The following PKNOX2 variants were observed in gnomAD, a reference collection of about 807,000 sequenced individuals.
The protein encoded by PKNOX2 is homeobox protein PKNOX2.
In PKNOX2, 14 loss-of-function variants were observed where a neutral mutation model predicts 53.1. That is an observed-to-expected ratio of 0.26 (90% CI 0.17 to 0.41). The LOEUF is 0.41. Ranked by LOEUF, PKNOX2 falls within the 10% of genes least tolerant of loss-of-function variation. The pLI, the probability that PKNOX2 is intolerant of heterozygous loss-of-function variation, is 1.00. For missense variants in PKNOX2, 496 were observed against 602.8 expected, an observed-to-expected ratio of 0.82 and a Z score of 1.85; for synonymous variants, 257 against 242.8, an observed-to-expected ratio of 1.06 and a Z score of -0.54.
At chr11:125,354,936 G>T (rs965543800) in intron 4 of PKNOX2, among the ~76,000 whole-genome samples, 1 of 152,186 alleles carries the variant, frequency 6.6e-6, no homozygotes, top group Admixed American at 6.5e-5. Flanking sequence ...CACACTCTCT[G>T]TTGATTGTGC....
rs1414552972 is a variant in PKNOX2 at position 125,359,164 on chromosome 11, C to T, written c.87+7772C>T. Among the ~76,000 whole-genome samples the T allele has an allele frequency of 2.0e-5, 3 of 152,250 alleles. No individual in the cohort carries two copies. The East Asian group carries it at 5.8e-4, about 29-fold the overall frequency. ...AGGAAGGTGGACACCATCAGGTGCG[C>T]TCAGGCAACCAAGGGTAGGTGTGAG... is the stretch of plus-strand genomic sequence containing the variant. On this transcript the variant is annotated intron_variant, in intron 4 of 12. Transcript: ENST00000298282.
chr11:125,333,547 C>T (rs1381036012), intron 3 of PKNOX2, among the ~76,000 whole-genome samples: 3 of 137,878 alleles, frequency 2.2e-5, no homozygotes, highest in African/African-American at 1.0e-4. Context: ...CACACACACA[C>T]ATACACACAC....
chr11:125,301,591 A>G (rs972029617), intron 2 of PKNOX2, among the ~76,000 whole-genome samples: 2 of 152,128 alleles, frequency 1.3e-5, no homozygotes, highest in Admixed American at 6.5e-5. Flanking sequence ...TGCCAGAGCC[A>G]AGAAACACAC....
chr11:125,293,343 G>A (rs1326135013), intron 2 of PKNOX2, among the ~76,000 whole-genome samples: 1 of 152,132 alleles, frequency 6.6e-6, no homozygotes, highest in Admixed American at 6.5e-5. Flanking sequence ...GACTAATGGG[G>A]CAAGCGGGTG....
rs536725191 is a variant in PKNOX2 at position 125,354,511 on chromosome 11, G to A, written c.87+3119G>A. 5.3e-5 allele frequency among the ~76,000 whole-genome samples: 8 copies of A among 152,284 alleles called. 1 individual carries two copies. In the South Asian group the frequency reaches 1.5e-3, roughly 28 times the overall value. On this transcript the variant is annotated intron_variant, in intron 4 of 12. Transcript: ENST00000298282. ...AAGTCCCCCAAATGAAAAAGGAAGC[G>A]AGACGCAGAGCCCTTCCTCTGAGAC...
chr11:125,426,698 T>C (rs1956444720), intron 10 of PKNOX2, among the ~76,000 whole-genome samples: 1 of 152,034 alleles, frequency 6.6e-6, no homozygotes, highest in South Asian at 2.1e-4. Flanking sequence ...TACACAATCC[T>C]TCAACGTTGG....
At chr11:125,297,993 G>A (rs933849664) in intron 2 of PKNOX2, among the ~76,000 whole-genome samples, 2 of 152,254 alleles carry the variant, frequency 1.3e-5, no homozygotes, top group African/African-American at 2.4e-5. Flanking sequence ...GTCATATAAT[G>A]AACAATGAAT....
chr11:125,273,064 C>T (rs1331289035), intron 2 of PKNOX2, among the ~76,000 whole-genome samples: 7 of 152,310 alleles, frequency 4.6e-5, no homozygotes, highest in East Asian at 3.9e-4. Context: ...CCTAAAAGCC[C>T]GCCCAGTCCA....
intron 3 of PKNOX2, among the ~76,000 whole-genome samples, chr11:125,347,178 G>A (rs1462658929): frequency 6.6e-6 from 1 of 152,100 alleles, no homozygotes; most frequent in Non-Finnish European, 1.5e-5. Context: ...TGGGGCAGGT[G>A]GGTGGGACAG....
chr11:125,294,895 G>A (rs1947550653), intron 2 of PKNOX2, among the ~76,000 whole-genome samples: 2 of 152,194 alleles, frequency 1.3e-5, no homozygotes, highest in Admixed American at 1.3e-4. Flanking sequence ...GAGAGTGAAG[G>A]GTGAGGCATG....
At chr11:125,414,340 C>A (rs1411986795) in intron 10 of PKNOX2, among the ~76,000 whole-genome samples, 2 of 152,230 alleles carry the variant, frequency 1.3e-5, no homozygotes, top group Non-Finnish European at 2.9e-5. Context: ...CCTCTCCAGC[C>A]TGGCAGTGGG....
At chr11:125,426,704 G>A (rs1210232949) in intron 10 of PKNOX2, among the ~76,000 whole-genome samples, 2 of 151,972 alleles carry the variant, frequency 1.3e-5, no homozygotes, top group Non-Finnish European at 2.9e-5. Flanking sequence ...ATCCTTCAAC[G>A]TTGGCCTCTT....
chr11:125,355,232 A>G (rs1951537756), intron 4 of PKNOX2, among the ~76,000 whole-genome samples: 1 of 149,772 alleles, frequency 6.7e-6, no homozygotes, highest in African/African-American at 2.5e-5. Flanking sequence ...GCGCCACTGC[A>G]CTCCAGCCTG....
intron 1 of PKNOX2, among the ~76,000 whole-genome samples, chr11:125,195,703 A>G (rs560065991): frequency 6.6e-6 from 1 of 152,238 alleles, no homozygotes; most frequent in East Asian, 1.9e-4. Context: ...TTTTTACAAC[A>G]CTGAGTTTGA....
chr11:125,213,911 C>A (rs1565470928), intron 1 of PKNOX2, among the ~76,000 whole-genome samples: 2 of 152,082 alleles, frequency 1.3e-5, no homozygotes, highest in Admixed American at 1.3e-4. Context: ...GCCTGTGCCA[C>A]CCCAACCTCA....
At chr11:125,293,947 CATTG>C (rs1947488776) in intron 2 of PKNOX2, among the ~76,000 whole-genome samples, 1 of 152,000 alleles carries the variant, frequency 6.6e-6, no homozygotes, top group African/African-American at 2.4e-5. Context: ...TTTCTCCCAA[CATTG>C]ATTGAAGGAG....
intron 2 of PKNOX2, among the ~76,000 whole-genome samples, chr11:125,262,674 C>G (rs776269134): frequency 2.0e-5 from 3 of 152,094 alleles, no homozygotes; most frequent in Non-Finnish European, 4.4e-5. Flanking sequence ...CTCTCTACCC[C>G]ACAGGCTTTG....
rs561196244 is a variant in PKNOX2 at position 125,413,980 on chromosome 11, T to A, written c.936+2115T>A. On this transcript the variant is annotated intron_variant, in intron 10 of 12. Transcript: ENST00000298282. ...TACTTTCCACTCCCCACTTGCAACT[T>A]ACCCCTGGGAATCGTTAGCCTGAGA... 3.9e-5 allele frequency among the ~76,000 whole-genome samples: 6 copies of A among 152,162 alleles called. No homozygotes were observed. The South Asian group carries it at 1.0e-3, about 26-fold the overall frequency.
intron 2 of PKNOX2, among the ~76,000 whole-genome samples, chr11:125,277,400 C>T (rs955054370): frequency 1.3e-5 from 2 of 152,184 alleles, no homozygotes; most frequent in African/African-American, 4.8e-5. Flanking sequence ...ATGCTAAAAT[C>T]ATCCATGAAT....
Sources: allele counts gnomAD v4.1 joint callset (sites outside exome capture counted in the v4.1 genomes callset), GRCh38; gene constraint gnomAD v4.1.1; transcripts MANE v1.5; gene names NCBI Gene and HGNC (gene_info 2026-07-23, HGNC 2026-07-21).